Variants in ROBO2 observed in about 807,000 individuals in gnomAD.
ROBO2 encodes the protein roundabout homolog 2.
In ROBO2, 53 loss-of-function variants were observed where a neutral mutation model predicts 160.8. That is an observed-to-expected ratio of 0.33 (90% CI 0.26 to 0.41). ROBO2 has a LOEUF of 0.41. Among genes scored for constraint, ROBO2 ranks in the 10% least tolerant of loss-of-function variants. ROBO2 has a pLI of 1.00. For synonymous variants in ROBO2, 664 were observed against 611.7 expected (o/e 1.09, Z -1.26); for missense variants, 1,577 against 1,722.4 (o/e 0.92, Z 1.49).
intron 2 of ROBO2, among the ~76,000 whole-genome samples, chr3:75,954,035 C>T (rs774360125): frequency 6.6e-6 from 1 of 151,672 alleles, no homozygotes; most frequent in Non-Finnish European, 1.5e-5. Flanking sequence ...GTATTAATAC[C>T]AGGTACATAA....
At chr3:75,909,683 A>G (rs563969796) in intron 1 of ROBO2, among the ~76,000 whole-genome samples, 2 of 152,332 alleles carry the variant, frequency 1.3e-5, no homozygotes, top group Admixed American at 1.3e-4. Context: ...CAAGCAGTGT[A>G]TGTGTGATAC....
chr3:76,683,253 C>T (rs925903959), intron 2 of ROBO2, among the ~76,000 whole-genome samples: 3 of 151,800 alleles, frequency 2.0e-5, no homozygotes, highest in Admixed American at 2.0e-4. Flanking sequence ...TTGAAAATAA[C>T]TTAAGACACT....
At chr3:76,450,827 CA>C (rs2077437514) in intron 2 of ROBO2, among the ~76,000 whole-genome samples, 1 of 152,010 alleles carries the variant, frequency 6.6e-6, no homozygotes, top group Admixed American at 6.6e-5. Context: ...TATTTTAAGA[CA>C]TTTTCGAAAA....
chr3:76,167,421 C>T (rs1386320410), intron 2 of ROBO2, among the ~76,000 whole-genome samples: 1 of 152,162 alleles, frequency 6.6e-6, no homozygotes, highest in Non-Finnish European at 1.5e-5. Flanking sequence ...GTTAAGCCTT[C>T]CCTTGACCAT....
chr3:76,776,075 C>G (rs1275474988), intron 2 of ROBO2, among the ~76,000 whole-genome samples: 1 of 150,820 alleles, frequency 6.6e-6, no homozygotes, highest in African/African-American at 2.4e-5. Context: ...TATGTAACTT[C>G]TTTCTCTACT....
At chr3:75,955,903 A>T (rs1315353818) in intron 2 of ROBO2, among the ~76,000 whole-genome samples, 1 of 151,768 alleles carries the variant, frequency 6.6e-6, no homozygotes, top group African/African-American at 2.4e-5. Flanking sequence ...TTTATATATA[A>T]AATAGGCTAT....
intron 2 of ROBO2, among the ~76,000 whole-genome samples, chr3:76,841,446 G>A (rs1184178450): frequency 6.6e-6 from 1 of 152,140 alleles, no homozygotes; most frequent in East Asian, 1.9e-4. Context: ...AGAAACGTGT[G>A]GTAAACTGGC....
intron 2 of ROBO2, among the ~76,000 whole-genome samples, chr3:77,439,398 C>T (rs192833739): frequency 1.3e-5 from 2 of 152,082 alleles, no homozygotes; most frequent in Admixed American, 6.6e-5. Flanking sequence ...ATGATTTTTC[C>T]ATTGCAGTGT....
At chr3:75,961,179 T>C (rs1379149256) in intron 2 of ROBO2, among the ~76,000 whole-genome samples, 1 of 151,610 alleles carries the variant, frequency 6.6e-6, no homozygotes, top group Non-Finnish European at 1.5e-5. Context: ...CTAGAAAAAG[T>C]TGGAGAATGG....
chr3:76,561,968 T>C (rs758183260), intron 2 of ROBO2, among the ~76,000 whole-genome samples: 25 of 152,154 alleles, frequency 1.6e-4, no homozygotes, highest in Admixed American at 1.3e-4. Flanking sequence ...AGAAGTCTGC[T>C]GGCACTTTCC....
intron 2 of ROBO2, among the ~76,000 whole-genome samples, chr3:75,949,011 T>C (rs1948435681): frequency 6.6e-6 from 1 of 152,114 alleles, no homozygotes; most frequent in East Asian, 1.9e-4. Flanking sequence ...ATTGGAATGA[T>C]AAATGTGTAA....
intron 2 of ROBO2, among the ~76,000 whole-genome samples, chr3:76,201,977 G>T (rs2220911): frequency 0.11 from 16,506 of 150,112 alleles, 1,157 homozygotes; most frequent in African/African-American, 0.2. Flanking sequence ...CTAATAAAAC[G>T]CCAAACAAGA....
chr3:76,738,362 A>C (rs1010798831), intron 2 of ROBO2, among the ~76,000 whole-genome samples: 1 of 152,160 alleles, frequency 6.6e-6, no homozygotes, highest in Non-Finnish European at 1.5e-5. Context: ...GGGCTTCTCA[A>C]CGTCAGCACT....
chr3:76,118,143 TAAAAC>T lies in ROBO2; in HGVS notation c.109+180545_109+180549del, dbSNP rs773827571. On this transcript the variant is annotated intron_variant, in intron 2 of 26. Transcript: ENST00000487694. ...ATGTACCCTAGAACTTAAAGTATAA[TAAAAC>T]AAAGACACCAATTTGAAAAGAGAAA... Among the ~76,000 whole-genome samples, 8 of 151,996 alleles carry T rather than the reference TAAAAC, an allele frequency of 5.3e-5. No individual in the cohort carries two copies. The South Asian group carries it at 1.2e-3, about 24-fold the overall frequency.
At chr3:76,871,018 A>G (rs1343060553) in intron 2 of ROBO2, among the ~76,000 whole-genome samples, 2 of 152,216 alleles carry the variant, frequency 1.3e-5, no homozygotes, top group African/African-American at 4.8e-5. Flanking sequence ...GAGACAACGA[A>G]CAACAATGAT....
chr3:77,209,476 T>C (rs1484940179), intron 2 of ROBO2, among the ~76,000 whole-genome samples: 2 of 152,144 alleles, frequency 1.3e-5, no homozygotes, highest in Non-Finnish European at 2.9e-5. Flanking sequence ...CATAATTCAT[T>C]AGGCACACAC....
At position 76,159,891 on chromosome 3, in the gene ROBO2, A is replaced by G. The variant is rs538796608; in HGVS notation, c.109+222289A>G. 3.9e-5 allele frequency among the ~76,000 whole-genome samples: 6 copies of G among 152,212 alleles called. No individual in the cohort carries two copies. In the South Asian group the frequency reaches 6.2e-4, roughly 16 times the overall value. ...TTTTTAAGATTAAGAAACAAAAAAG[A>G]TGTCAGAAGGATCTAAGTCAGGACT... On this transcript the variant is annotated intron_variant, in intron 2 of 26. Coordinates refer to the ROBO2 transcript ENST00000487694.
chr3:76,413,395 C>T lies in ROBO2; in HGVS notation c.109+475793C>T, dbSNP rs374138258. 7.2e-5 allele frequency among the ~76,000 whole-genome samples: 11 copies of T among 152,212 alleles called. No individual in the cohort carries two copies. The East Asian group carries it at 1.5e-3, about 21-fold the overall frequency. On this transcript the variant is annotated intron_variant, in intron 2 of 26. Transcript: ENST00000487694. ...TCCCCAGAAAATGGGTTTTTCTTTT[C>T]TATCGCATAGTCAGGCTGCACATTT...
rs577614543 is a variant in ROBO2 at position 77,046,518 on chromosome 3, C to T, written c.61+5672C>T. ...TCGGAGCCATTATGAATATTTGCAG[C>T]TATATTGCACAACTCTCTTATTGGT... On this transcript the variant is annotated intron_variant, in intron 1 of 25. Transcript: ENST00000461745. Among the ~76,000 whole-genome samples the T allele has an allele frequency of 3.3e-4, 50 of 152,238 alleles. 2 individuals are homozygous for T. The South Asian group carries it at 0.01, about 31-fold the overall frequency.
Sources: allele counts gnomAD v4.1 joint callset (sites outside exome capture counted in the v4.1 genomes callset), GRCh38; gene constraint gnomAD v4.1.1; transcripts MANE v1.5; gene names NCBI Gene and HGNC (gene_info 2026-07-23, HGNC 2026-07-21).